Variants in MRTFB observed in about 807,000 individuals in gnomAD.
MRTFB encodes myocardin related transcription factor B.
In MRTFB, 29 loss-of-function variants were observed where a neutral mutation model predicts 104.2. That is an observed-to-expected ratio of 0.28 (90% CI 0.21 to 0.38). The LOEUF (loss-of-function observed/expected upper bound fraction) is 0.38, where lower values mean the gene tolerates loss of function less well. MRTFB is among the 10% of genes least tolerant of loss of function. The probability of loss-of-function intolerance (pLI) is 1.00; values close to 1 mark genes in which losing one functional copy is unlikely to be tolerated. For synonymous variants in MRTFB, 535 were observed against 519.5 expected, an observed-to-expected ratio of 1.03 and a Z score of -0.41; for missense variants, 1,270 against 1,341.6, an observed-to-expected ratio of 0.95 and a Z score of 0.83.
chr16:14,249,676 A>G lies in MRTFB; in HGVS notation c.2403+595A>G, dbSNP rs184009580. Among the ~76,000 whole-genome samples, 45 of 152,372 alleles carry G rather than the reference A, an allele frequency of 3.0e-4. 1 individual carries two copies. The highest frequency in any genetic ancestry group is 5.9e-4 in the Non-Finnish European group (40 of 68,046). On this transcript the variant is annotated intron_variant, in intron 13 of 16. Transcript: ENST00000571589. ...TCTAGGATTCAGTGTCCTCTACACA[A>G]ATAACTACCAAAAAAATTCTCCCGC... is the stretch of plus-strand genomic sequence containing the variant.
chr16:14,203,538 T>G (rs1290214174), intron 3 of MRTFB, among the ~76,000 whole-genome samples: 1 of 152,100 alleles, frequency 6.6e-6, no homozygotes, highest in Non-Finnish European at 1.5e-5. Context: ...TTACATCATA[T>G]TAAGACAACA....
At chr16:14,195,776 C>A (rs776420524) in intron 3 of MRTFB, among the ~76,000 whole-genome samples, 1 of 152,160 alleles carries the variant, frequency 6.6e-6, no homozygotes, top group Non-Finnish European at 1.5e-5. Context: ...TAGCTGCACA[C>A]TGAAATTCTA....
At chr16:14,157,658 G>C (rs1284083226) in intron 3 of MRTFB, among the ~76,000 whole-genome samples, 1 of 152,186 alleles carries the variant, frequency 6.6e-6, no homozygotes, top group East Asian at 1.9e-4. Flanking sequence ...CACAGAGATG[G>C]AGAATAACTG....
intron 2 of MRTFB, among the ~76,000 whole-genome samples, chr16:14,133,157 C>CA (rs1284128677): frequency 6.6e-6 from 1 of 152,156 alleles, no homozygotes; most frequent in Non-Finnish European, 1.5e-5. Flanking sequence ...AAGTCATAGA[C>CA]AGTGGTGGCT....
the MRTFB span, among the ~76,000 whole-genome samples, chr16:14,065,041 C>A: frequency 4.6e-5 from 7 of 152,142 alleles, no homozygotes; most frequent in African/African-American, 9.7e-5. Context: ...CTGTAGGTTG[C>A]TTTGGGTAGT....
At chr16:14,072,975 T>G (rs1485274326) in intron 1 of MRTFB, among the ~76,000 whole-genome samples, 1 of 152,150 alleles carries the variant, frequency 6.6e-6, no homozygotes, top group African/African-American at 2.4e-5. Flanking sequence ...GGTTGAAAAT[T>G]TTTGGTTCAA....
chr16:14,140,442 C>T, intron 2 of MRTFB, 102 bp from the exon 3 acceptor site: 1 of 741,502 alleles, frequency 1.3e-6, no homozygotes, highest in Non-Finnish European at 2.2e-6. Context: ...GACCATACAG[C>T]AGTAAAACTG....
chr16:14,166,681 C>T (rs770624679), intron 3 of MRTFB, among the ~76,000 whole-genome samples: 12 of 152,114 alleles, frequency 7.9e-5, no homozygotes, highest in South Asian at 4.2e-4. Context: ...CCCCGACAGC[C>T]CCCAGTGTGT....
chr16:14,035,917 C>T, the MRTFB span, among the ~76,000 whole-genome samples: 7 of 151,428 alleles, frequency 4.6e-5, 1 homozygote, highest in African/African-American at 1.2e-4. Flanking sequence ...CCCACTGTGT[C>T]GTTCTTATGC....
intron 16 of MRTFB, among the ~76,000 whole-genome samples, chr16:14,259,036 T>A (rs2043638559): frequency 6.6e-6 from 1 of 152,178 alleles, no homozygotes; most frequent in South Asian, 2.1e-4. Flanking sequence ...ATAGCAGGTA[T>A]TATTTGACAC....
chr16:14,189,481 G>A (rs951052324), intron 3 of MRTFB, among the ~76,000 whole-genome samples: 4 of 152,118 alleles, frequency 2.6e-5, no homozygotes, highest in African/African-American at 9.7e-5. Context: ...AAATACCCTG[G>A]AGTCTAATTA....
At chr16:14,020,603 C>G in the MRTFB span, 1 of 152,160 alleles carries the variant, frequency 6.6e-6, no homozygotes, top group Non-Finnish European at 1.5e-5. Flanking sequence ...AAGAAGGAGC[C>G]ACCCCCAAGA....
At chr16:14,112,944 C>T (rs1357801481) in intron 2 of MRTFB, among the ~76,000 whole-genome samples, 1 of 152,192 alleles carries the variant, frequency 6.6e-6, no homozygotes, top group Non-Finnish European at 1.5e-5. Flanking sequence ...CAGCACCTAC[C>T]ACAATTTGAC....
intron 3 of MRTFB, chr16:14,153,333 T>C (rs1403769216): frequency 6.6e-6 from 1 of 152,232 alleles, no homozygotes; most frequent in East Asian, 1.9e-4. Context: ...TTCTAGTATG[T>C]TTTCTAACAA....
chr16:14,207,073 G>A (rs894743882), intron 3 of MRTFB, among the ~76,000 whole-genome samples: 5 of 152,118 alleles, frequency 3.3e-5, no homozygotes, highest in African/African-American at 9.7e-5. Flanking sequence ...TCTTTCCCAT[G>A]GATTTGTACC....
chr16:14,156,784 A>C (rs549953150), intron 3 of MRTFB, among the ~76,000 whole-genome samples: 1 of 152,246 alleles, frequency 6.6e-6, no homozygotes, highest in Non-Finnish European at 1.5e-5. Context: ...TCAACTTGGC[A>C]AAAGATTCAG....
At chr16:14,029,733 G>T in the MRTFB span, among the ~76,000 whole-genome samples, 1 of 151,926 alleles carries the variant, frequency 6.6e-6, no homozygotes, top group South Asian at 2.1e-4. Context: ...TCCACCCCCC[G>T]TGTCTGTCTC....
At position 14,128,272 on chromosome 16, in the gene MRTFB, T is replaced by C. The variant is rs139088315; in HGVS notation, c.-63-12272T>C. On this transcript the variant is annotated intron_variant, in intron 2 of 16. Coordinates refer to ENST00000571589, the MANE Select transcript of MRTFB (RefSeq NM_001308142.2). ...TGCCAAAAATGGTGTTAGCGTGATC[T>C]GAGAGTGGAGTTTTTGGCCTCCCTG... 5.5e-3 allele frequency among the ~76,000 whole-genome samples: 839 copies of C among 152,290 alleles called. 4 individuals are homozygous for C. The highest frequency in any genetic ancestry group is 0.018 in the South Asian group (88 of 4,818).
intron 3 of MRTFB, among the ~76,000 whole-genome samples, chr16:14,204,851 T>G (rs1016682958): frequency 1.3e-5 from 2 of 152,244 alleles, no homozygotes; most frequent in Admixed American, 1.3e-4. Flanking sequence ...TATATTACAT[T>G]GGAATAGTCT....
Sources: allele counts gnomAD v4.1 joint callset (sites outside exome capture counted in the v4.1 genomes callset), GRCh38; gene constraint gnomAD v4.1.1; transcripts MANE v1.5; gene names NCBI Gene and HGNC (gene_info 2026-07-23, HGNC 2026-07-21).